ROS1: variants seen among roughly 807,000 people sequenced by gnomAD.
The protein encoded by ROS1 is proto-oncogene tyrosine-protein kinase ROS.
A neutral mutation model predicts 273.5 loss-of-function variants in ROS1; 263 were observed. The ratio of observed to expected loss-of-function variants is 0.96; its 90% CI spans 0.87 to 1.06. The LOEUF is 1.06. ROS1 is among the 50% of genes least tolerant of loss of function. ROS1 has a pLI of 0.00. For missense variants in ROS1, 2,833 were observed against 2,751.1 expected (o/e 1.03, Z -0.67); for synonymous variants, 1,008 against 954.1 (o/e 1.06, Z -1.04).
At position 117,310,237 on chromosome 6, in the gene ROS1, G is replaced by C. The variant is rs1775435080; in HGVS notation, c.6260C>G (p.Thr2087Ser). The change falls in exon 41 of 44, where the codon ACC (threonine) becomes AGC (serine). Residue 2087 changes from threonine (T) to serine (S), a missense_variant. Transcript: ENST00000368507. ...RNCLVSVKDY[T>S]SPRIVKIGDF... ...TCCAATCTTCACTATCCGTGGACTG[G>C]TATAGTCTTTCACGGAAACAAGGCA... The C allele has an allele frequency of 6.2e-7, 1 of 1,612,238 alleles. No homozygotes were observed. Among genetic ancestry groups the C allele is most frequent in the South Asian group, 1.1e-5 (1 of 90,794 alleles).
intron 32 of ROS1, among the ~76,000 whole-genome samples, chr6:117,336,238 T>C (rs1777452055): frequency 6.6e-6 from 1 of 152,140 alleles, no homozygotes; most frequent in Non-Finnish European, 1.5e-5. Flanking sequence ...ACATGTCCCA[T>C]GGTGGTTTAC....
Position 117,396,265 on chromosome 6 carries a change from C to T in ROS1, c.807-1G>A, listed in dbSNP as rs1773478233. On this transcript the variant is annotated splice_acceptor_variant, in intron 8 of 43. Coordinates refer to ENST00000368507, the MANE Select transcript of ROS1 (RefSeq NM_001378902.1). LOFTEE classifies it high-confidence loss of function. ...TTCATTTACTGCTGCAATAGAAAACCTATTCCAAAAACAATTTGGAGAGAC... is the reference window on the plus strand; with the variant it reads ...TTCATTTACTGCTGCAATAGAAAACTTATTCCAAAAACAATTTGGAGAGAC... 1 of 1,611,728 alleles carries T rather than the reference C, an allele frequency of 6.2e-7. No individual in the cohort carries two copies. The highest frequency in any genetic ancestry group is 8.5e-7 in the Non-Finnish European group (1 of 1,178,078).
rs749750510 is a variant in ROS1 at position 117,337,274 on chromosome 6, T to C, written c.5128A>G (p.Ile1710Val). The C allele has an allele frequency of 1.2e-6, 2 of 1,612,704 alleles. No homozygotes were observed. Among genetic ancestry groups the C allele is most frequent in the South Asian group, 1.1e-5 (1 of 91,000 alleles). The change falls in exon 32 of 44, where the codon ATC becomes GTC. Residue 1710 changes from isoleucine (I) to valine (V), a missense_variant. Ile to Val is a conservative substitution (Grantham distance 29). Transcript: ENST00000368507. ...GAAGTATAAGGTTGTAGATTTGTGA[T>C]ATTACAGACATAAGCAGGACCTTGG... ...CSQGPAYVCN[I>V]TNLQPYTSYN...
rs754649979 is a variant in ROS1, at chr6:117,396,986, A to AT, written c.734dup (p.Asn245LysfsTer33). ...TCTGTGTCCCTGCATCTAATTTTTGATTTTTGCTGATCAGCCTTAAGTTAT... is the reference window on the plus strand; with the variant it reads ...TCTGTGTCCCTGCATCTAATTTTTGATTTTTTGCTGATCAGCCTTAAGTTAT... On this transcript the variant is annotated frameshift_variant, in exon 8 of 44. Transcript: ENST00000368507. LOFTEE classifies it high-confidence loss of function. 2 of 1,614,076 alleles carry AT rather than the reference A, an allele frequency of 1.2e-6. No homozygotes were observed. The highest frequency in any genetic ancestry group is 4.5e-5 in the East Asian group (2 of 44,878).
chr6:117,394,506 A>G, intron 10 of ROS1, 110 bp downstream of exon 10: 1 of 916,874 alleles, frequency 1.1e-6, no homozygotes, highest in Non-Finnish European at 1.5e-6. Flanking sequence ...ATATTAGGAT[A>G]TTAAGAGAAT....
Position 117,327,455 on chromosome 6 carries a change from T to C in ROS1, c.5349-1041A>G, listed in dbSNP as rs9387464. Among the ~76,000 whole-genome samples, 91 of 152,208 alleles carry C rather than the reference T, an allele frequency of 6.0e-4. No individual in the cohort carries two copies. In the East Asian group the frequency reaches 0.013, roughly 21 times the overall value. ...AAGAGGCCCTTGAGAATTTGTGAAG[T>C]GGCTCTACACAATGGCCATTGAGAA... On this transcript the variant is annotated intron_variant, in intron 33 of 43. Transcript: ENST00000368507.
chr6:117,368,602 G>A (rs1001246008), intron 18 of ROS1, among the ~76,000 whole-genome samples: 1 of 152,152 alleles, frequency 6.6e-6, no homozygotes. Flanking sequence ...TAGTATGACC[G>A]AGGAACCAAA....
At position 117,324,397 on chromosome 6, in the gene ROS1, T is replaced by C. The variant is rs1366078744; in HGVS notation, c.5558A>G (p.Glu1853Gly). The change falls in exon 35 of 44, where the codon GAA becomes GGA. Residue 1853 changes from glutamate to glycine, a missense_variant. Physicochemically the swap from Glu to Gly is moderately conservative, Grantham distance 98. Coordinates refer to ENST00000368507, the MANE Select transcript of ROS1 (RefSeq NM_001378902.1). ...ILVGDDFWIP[E>G]TSFILTIIVG... The stretch of plus-strand genomic sequence containing the variant: ...TATAATAGTAAGTATGAAACTTGTT[T>C]CTGGTATCCAAAAATCATCTAATAA... The C allele has an allele frequency of 3.4e-6, 5 of 1,471,212 alleles. No individual in the cohort carries two copies. Among genetic ancestry groups the C allele is most frequent in the East Asian group, 2.3e-5 (1 of 43,862 alleles). 91.1% of individuals were successfully genotyped at this position (1,471,212 alleles called of 1,614,324 possible).
intron 18 of ROS1, among the ~76,000 whole-genome samples, chr6:117,372,848 G>C (rs981476408): frequency 6.6e-6 from 1 of 152,184 alleles, no homozygotes; most frequent in Non-Finnish European, 1.5e-5. Context: ...GGATCCATTC[G>C]GGTTGCCACA....
Position 117,337,285 on chromosome 6 carries a change from TA to T in ROS1, c.5116del (p.Tyr1706MetfsTer18). 1 of 1,612,596 alleles carries T rather than the reference TA, an allele frequency of 6.2e-7. No individual in the cohort carries two copies. Among genetic ancestry groups the T allele is most frequent in the Non-Finnish European group, 8.5e-7 (1 of 1,179,072 alleles). ...VKTSCSQGPA[Y>X]VCNITNLQPY... ...TTGTAGATTTGTGATATTACAGACA[TA>T]AGCAGGACCTTGGCTGCATGAAGTT... is the stretch of plus-strand genomic sequence containing the variant. On this transcript the variant is annotated frameshift_variant, in exon 32 of 44. Transcript: ENST00000368507. LOFTEE classifies it high-confidence loss of function.
At chr6:117,339,140 C>A (rs1777710172) in intron 31 of ROS1, among the ~76,000 whole-genome samples, 1 of 152,086 alleles carries the variant, frequency 6.6e-6, no homozygotes, top group Non-Finnish European at 1.5e-5. Context: ...CCACATGTGG[C>A]CCAGGACGAC....
Position 117,389,722 on chromosome 6 carries a change from G to A in ROS1, c.1414C>T (p.Gln472Ter), listed in dbSNP as rs986620798. 2 of 1,614,192 alleles carry A rather than the reference G, an allele frequency of 1.2e-6. No homozygotes were observed. The highest frequency in any genetic ancestry group is 1.1e-5 in the South Asian group (1 of 91,082). ...TTGAAGTAAATGATTCGCTTGGCTT[G>A]TGGCTTGATTGCAAAGTCCTTTAAC... ...CTLKDFAIKP[Q>*]AKRIIYFNDT... The change falls in exon 13 of 44, where the codon CAA becomes TAA. Residue 472 changes from glutamine (Q) to a stop codon, truncating the protein, a stop_gained. Transcript: ENST00000368507. LOFTEE classifies it high-confidence loss of function.
At position 117,387,961 on chromosome 6, in the gene ROS1, C is replaced by T. The variant is rs1465868712; in HGVS notation, c.1818G>A (p.Glu606=). 1.9e-6 allele frequency: 3 copies of T among 1,613,974 alleles called. No homozygotes were observed. The African/African-American group carries it at 4.0e-5, about 22-fold the overall frequency. ...GAGGGTCTTGGGTGGATACTTTCAC[C>T]TCATAGGTCCAGTTCTGCCAGGCAG... is the stretch of plus-strand genomic sequence containing the variant. ...SPSAWQNWTY[E]VKVSTQDPPE... Residue 606 remains glutamate, a synonymous_variant, in exon 14 of 44, where the codon GAG becomes GAA. Coordinates refer to ENST00000368507, the MANE Select transcript of ROS1 (RefSeq NM_001378902.1).
chr6:117,409,505 G>T, intron 5 of ROS1, 77 bp downstream of exon 5: 2 of 998,978 alleles, frequency 2.0e-6, no homozygotes, highest in Non-Finnish European at 3.2e-6. Context: ...TTTGAGAGGT[G>T]TTTCGTTATC....
intron 26 of ROS1, among the ~76,000 whole-genome samples, chr6:117,356,226 T>G (rs1779293416): frequency 6.6e-6 from 1 of 152,174 alleles, no homozygotes; most frequent in Non-Finnish European, 1.5e-5. Flanking sequence ...TTTCAACTCC[T>G]TCTAACTAAC....
At chr6:117,323,310 GA>G (rs913315531) in intron 35 of ROS1, among the ~76,000 whole-genome samples, 3 of 152,086 alleles carry the variant, frequency 2.0e-5, no homozygotes, top group Non-Finnish European at 4.4e-5. Context: ...TTTGCAGAAA[GA>G]ATAAAGACTT....
At chr6:117,350,931 C>A (rs11962122) in intron 27 of ROS1, among the ~76,000 whole-genome samples, 1 of 151,938 alleles carries the variant, frequency 6.6e-6, no homozygotes, top group Non-Finnish European at 1.5e-5. Flanking sequence ...GCATATTAAT[C>A]ATAGTTGTTT....
chr6:117,389,244 T>C (rs1006883530), intron 13 of ROS1, 106 bp downstream of exon 13: 2 of 1,331,072 alleles, frequency 1.5e-6, no homozygotes, highest in Non-Finnish European at 2.1e-6. Flanking sequence ...GGTTGATGAC[T>C]GAATAGCCAA....
At chr6:117,399,932 A>G (rs1176509933) in intron 7 of ROS1, among the ~76,000 whole-genome samples, 1 of 152,228 alleles carries the variant, frequency 6.6e-6, no homozygotes, top group African/African-American at 2.4e-5. Context: ...CAAGTGAAGC[A>G]ATTACTATTG....
Sources: allele counts gnomAD v4.1 joint callset (sites outside exome capture counted in the v4.1 genomes callset), GRCh38; gene constraint gnomAD v4.1.1; transcripts MANE v1.5; gene names NCBI Gene and HGNC (gene_info 2026-07-23, HGNC 2026-07-21).